Variants in UGCG observed in about 807,000 individuals in gnomAD.
UGCG encodes ceramide glucosyltransferase.
UGCG carries 10 observed loss-of-function variants against 49.5 expected under a neutral mutation model. The ratio of observed to expected loss-of-function variants is 0.20; its 90% CI spans 0.12 to 0.34. UGCG has a LOEUF of 0.34. Among genes scored for constraint, UGCG ranks in the 10% least tolerant of loss-of-function variants. The probability of loss-of-function intolerance (pLI) is 1.00; values close to 1 mark genes in which losing one functional copy is unlikely to be tolerated. For synonymous variants in UGCG, 182 were observed against 158.2 expected (o/e 1.15, Z -1.13); for missense variants, 312 against 483.7 (o/e 0.65, Z 3.33).
At chr9:111,899,751 T>C (rs1418907503) in intron 1 of UGCG, among the ~76,000 whole-genome samples, 2 of 152,168 alleles carry the variant, frequency 1.3e-5, no homozygotes, top group Non-Finnish European at 2.9e-5. Flanking sequence ...TTTTCACATA[T>C]TACCCTGAAT....
In UGCG at chr9:111,929,544, T is replaced by C. The variant is rs976408262; in HGVS notation, c.603T>C (p.Asn201=). ...ATCCAAGATACTATATCTCTGCCAA[T>C]GTAACTGGTTTCAAATGTGTGACAG... is the stretch of plus-strand genomic sequence containing the variant. ...TSHPRYYISA[N]VTGFKCVTGM... Residue 201 remains asparagine, a synonymous_variant, in exon 6 of 9, where the codon AAT becomes AAC. Coordinates refer to ENST00000374279, the MANE Select transcript of UGCG (RefSeq NM_003358.3). 6.2e-7 allele frequency: 1 copy of C among 1,614,062 alleles called. No individual in the cohort carries two copies. The highest frequency in any genetic ancestry group is 8.5e-7 in the Non-Finnish European group (1 of 1,179,996).
chr9:111,901,196 A>T (rs1589515938), intron 1 of UGCG, among the ~76,000 whole-genome samples: 1 of 152,254 alleles, frequency 6.6e-6, no homozygotes, highest in East Asian at 1.9e-4. Flanking sequence ...TCATTGTGTC[A>T]GGATAACTGC....
intron 5 of UGCG, among the ~76,000 whole-genome samples, chr9:111,928,996 C>G (rs57292466): frequency 6.6e-6 from 1 of 151,910 alleles, no homozygotes; most frequent in Admixed American, 6.6e-5. Context: ...GAGCAGCTAG[C>G]TACAAAAGGA....
At chr9:111,929,207 C>T (rs1838376465) in intron 5 of UGCG, 2 of 264,590 alleles carry the variant, frequency 7.6e-6, no homozygotes, top group Admixed American at 5.2e-5. Flanking sequence ...ACATGAACAC[C>T]CTAAAAACAA....
In UGCG at chr9:111,932,833, A is replaced by T; in HGVS notation, c.1021A>T (p.Thr341Ser). Residue 341 changes from threonine (T) to serine (S), a missense_variant, in exon 9 of 9, where the codon ACA becomes TCA. This residue lies in a region of UGCG where 180 missense variants were observed against 320.4 expected (regional missense o/e 0.56). Transcript: ENST00000374279. ...YIQLRGVQGG[T>S]LCFSKLDYAV... ...TTTTTTTTTCCATTCCTAGGGTGGC[A>T]CACTGTGTTTTTCAAAACTTGATTA... The T allele has an allele frequency of 6.3e-7, 1 of 1,596,114 alleles. No individual in the cohort carries two copies.
chr9:111,925,528 C>A (rs184323261), intron 4 of UGCG, among the ~76,000 whole-genome samples: 169 of 152,310 alleles, frequency 1.1e-3, no homozygotes, highest in African/African-American at 3.9e-3. Flanking sequence ...GCCAGTAGTA[C>A]CCCCTTCTCA....
intron 1 of UGCG, among the ~76,000 whole-genome samples, chr9:111,909,416 GT>G: frequency 6.6e-6 from 1 of 152,266 alleles, no homozygotes; most frequent in East Asian, 1.9e-4. Flanking sequence ...CTGTAGATTG[GT>G]TTCCAACACA....
At chr9:111,898,698 A>G (rs1222383066) in intron 1 of UGCG, among the ~76,000 whole-genome samples, 1 of 152,174 alleles carries the variant, frequency 6.6e-6, no homozygotes, top group Non-Finnish European at 1.5e-5. Flanking sequence ...TGTGTAAGGA[A>G]TTTATGCAAT....
intron 4 of UGCG, among the ~76,000 whole-genome samples, chr9:111,925,657 T>C (rs539365705): frequency 1.3e-5 from 2 of 152,390 alleles, no homozygotes; most frequent in African/African-American, 4.8e-5. Flanking sequence ...AACTTTTCTT[T>C]ATACGGTAGA....
Position 111,924,775 on chromosome 9 carries a change from A to C in UGCG, c.344-2A>C. 1 of 1,509,496 alleles carries C rather than the reference A, an allele frequency of 6.6e-7. No individual in the cohort carries two copies. Among genetic ancestry groups the C allele is most frequent in the Non-Finnish European group, 8.8e-7 (1 of 1,130,156 alleles). 93.5% of individuals were successfully genotyped at this position (1,509,496 alleles called of 1,614,324 possible). A position where few individuals can be genotyped will look rare whatever the true frequency, so the allele number is the denominator to read the frequency against. On this transcript the variant is annotated splice_acceptor_variant, in intron 3 of 8. Transcript: ENST00000374279. LOFTEE classifies it high-confidence loss of function. ...TTTACTACTGTACCTTTACATTTTT[A>C]GGTGGCAAAAAAGTTGGCATTAATC...
At chr9:111,902,504 TAAC>T (rs768936291) in intron 1 of UGCG, among the ~76,000 whole-genome samples, 2 of 152,216 alleles carry the variant, frequency 1.3e-5, no homozygotes, top group Non-Finnish European at 2.9e-5. Context: ...TCATGAGTGA[TAAC>T]AATAACAAAG....
chr9:111,929,685 C>G lies in UGCG; in HGVS notation c.737+7C>G. On this transcript the variant is annotated splice_region_variant and intron_variant, in intron 6 of 8. Transcript: ENST00000374279. ...CCAAAGCGATAGCTGACCGGTAAGA[C>G]AACTAAATGAAGCCATAGTATTTTT... 14 of 1,611,960 alleles carry G rather than the reference C, an allele frequency of 8.7e-6. No homozygotes were observed. The highest frequency in any genetic ancestry group is 1.2e-5 in the Non-Finnish European group (14 of 1,179,502).
In UGCG at chr9:111,935,071, G is replaced by T. The variant is rs778865395; in HGVS notation, c.*2074G>T. The T allele has an allele frequency of 5.9e-5, 9 of 152,168 alleles. No homozygotes were observed. The highest frequency in any genetic ancestry group is 1.2e-4 in the Non-Finnish European group (8 of 68,026). The allele number at this position is 152,168 out of a possible 1,614,324, so 9.4% of individuals were successfully genotyped here. A position where few individuals can be genotyped will look rare whatever the true frequency, so the allele number is the denominator to read the frequency against. ...ACCAAAATGGCTGGACAGACTTCTTGTGTTTTGTAAATATAAACTAGGACA... is the reference window on the plus strand; with the variant it reads ...ACCAAAATGGCTGGACAGACTTCTTTTGTTTTGTAAATATAAACTAGGACA... On this transcript the variant is annotated 3_prime_UTR_variant, in exon 9 of 9. Transcript: ENST00000374279.
rs140937557 is a variant in UGCG at position 111,906,228 on chromosome 9, T to G, written c.99-8377T>G. Among the ~76,000 whole-genome samples the G allele has an allele frequency of 9.6e-3, 1,458 of 152,206 alleles. 27 individuals carry two copies. The highest frequency in any genetic ancestry group is 0.032 in the African/African-American group (1,338 of 41,514). On this transcript the variant is annotated intron_variant, in intron 1 of 8. Coordinates refer to ENST00000374279, the MANE Select transcript of UGCG (RefSeq NM_003358.3). Reference sequence around the variant, plus strand: ...AAAGTTCGTATGTTCAAAAGTTCATTACTCTTTCCCATCTCTCATTGTGCC... The same window carrying G: ...AAAGTTCGTATGTTCAAAAGTTCATGACTCTTTCCCATCTCTCATTGTGCC...
chr9:111,917,213 T>G (rs1900694), intron 2 of UGCG, among the ~76,000 whole-genome samples: 113,713 of 152,158 alleles, frequency 0.75, 43,493 homozygotes, highest in East Asian at 0.92. Flanking sequence ...AATTATAAAC[T>G]TATATTTAGC....
intron 1 of UGCG, among the ~76,000 whole-genome samples, chr9:111,909,637 G>A (rs1837959094): frequency 6.6e-6 from 1 of 152,224 alleles, no homozygotes; most frequent in Admixed American, 6.5e-5. Context: ...TACATTCGGG[G>A]CTGTAAAGAT....
intron 7 of UGCG, among the ~76,000 whole-genome samples, chr9:111,931,623 G>T (rs947747956): frequency 6.6e-6 from 1 of 152,104 alleles, no homozygotes; most frequent in Admixed American, 6.5e-5. Context: ...CTAACTTTCT[G>T]TGCTGATTAA....
At chr9:111,921,164 G>A (rs1589525526) in intron 2 of UGCG, among the ~76,000 whole-genome samples, 2 of 151,542 alleles carry the variant, frequency 1.3e-5, no homozygotes, top group Middle Eastern at 3.4e-3. Flanking sequence ...TTGGCTTCCT[G>A]AGGTGCTGGG....
chr9:111,921,982 T>A (rs1010320187), intron 2 of UGCG, among the ~76,000 whole-genome samples: 12 of 151,602 alleles, frequency 7.9e-5, no homozygotes, highest in Non-Finnish European at 1.8e-4. Flanking sequence ...CAGCTAATTT[T>A]AAAAATTTTT....
Sources: allele counts gnomAD v4.1 joint callset (sites outside exome capture counted in the v4.1 genomes callset), GRCh38; gene constraint gnomAD v4.1.1; regional missense constraint gnomAD v4.1.1; transcripts MANE v1.5; gene names NCBI Gene and HGNC (gene_info 2026-07-23, HGNC 2026-07-21).